The following GNAQ variants were observed in gnomAD, a reference collection of about 807,000 sequenced individuals.
GNAQ encodes the protein guanine nucleotide-binding protein G(q) subunit alpha.
In GNAQ, 8 loss-of-function variants were observed where a neutral mutation model predicts 43.9. That is an observed-to-expected ratio of 0.18 (90% CI 0.11 to 0.33). The LOEUF (loss-of-function observed/expected upper bound fraction) is 0.33. GNAQ is among the 10% of genes least tolerant of loss of function. The pLI, the probability that GNAQ is intolerant of heterozygous loss-of-function variation, is 1.00. For missense variants in GNAQ, 158 were observed against 450.8 expected (o/e 0.35, Z 5.88); for synonymous variants, 155 against 170.7 (o/e 0.91, Z 0.71).
intron 2 of GNAQ, among the ~76,000 whole-genome samples, chr9:77,842,621 A>G (rs1011099007): frequency 2.0e-5 from 3 of 152,178 alleles, no homozygotes; most frequent in African/African-American, 4.8e-5. Context: ...TGCTTACAGC[A>G]TGCTTTCCAA....
Position 77,724,439 on chromosome 9 carries a change from C to T in GNAQ, c.890-2926G>A, listed in dbSNP as rs538594997. On this transcript the variant is annotated intron_variant, in intron 6 of 6. Transcript: ENST00000286548. ...CTTCAACTCCTGGCCTCAAGGGATC[C>T]GCCCACCTTGGCCTCCCAAAGTGCT... is the stretch of plus-strand genomic sequence containing the variant. Among the ~76,000 whole-genome samples, 13 of 152,230 alleles carry T rather than the reference C, an allele frequency of 8.5e-5. No individual in the cohort carries two copies. In the East Asian group the frequency reaches 1.5e-3, roughly 18 times the overall value.
chr9:77,831,995 T>C (rs1827305631), intron 2 of GNAQ, among the ~76,000 whole-genome samples: 1 of 152,190 alleles, frequency 6.6e-6, no homozygotes, highest in Non-Finnish European at 1.5e-5. Context: ...CTCAGTGTCA[T>C]GTGCTCTTCT....
intron 2 of GNAQ, among the ~76,000 whole-genome samples, chr9:77,836,626 G>A (rs1166453934): frequency 1.3e-5 from 2 of 151,976 alleles, no homozygotes; most frequent in Non-Finnish European, 2.9e-5. Flanking sequence ...CAGGCAAGAA[G>A]GCATCAACCA....
intron 3 of GNAQ, among the ~76,000 whole-genome samples, chr9:77,801,871 A>T (rs1826748494): frequency 6.6e-6 from 1 of 152,188 alleles, no homozygotes; most frequent in African/African-American, 2.4e-5. Context: ...GGTAAAATTT[A>T]TAGACCACGA....
intron 1 of GNAQ, among the ~76,000 whole-genome samples, chr9:77,936,385 A>C (rs887187325): frequency 2.6e-5 from 4 of 152,214 alleles, no homozygotes; most frequent in Non-Finnish European, 5.9e-5. Context: ...ACACCGACCC[A>C]ATAATACATA....
intron 2 of GNAQ, among the ~76,000 whole-genome samples, chr9:77,871,463 C>T (rs1254541852): frequency 6.6e-6 from 1 of 152,184 alleles, no homozygotes; most frequent in Non-Finnish European, 1.5e-5. Flanking sequence ...CTCCTTGCTT[C>T]TCTAAATCAC....
chr9:77,720,827 T>G lies in GNAQ; in HGVS notation c.*496A>C. ...CTACAAACTTAAATTAAGCTGATGA[T>G]GGCTTAAATCGAACGATGTGTCCTG... On this transcript the variant is annotated 3_prime_UTR_variant, in exon 7 of 7. Transcript: ENST00000286548. The G allele has an allele frequency of 4.3e-6, 1 of 233,898 alleles. No individual in the cohort carries two copies. The highest frequency in any genetic ancestry group is 8.5e-6 in the Non-Finnish European group (1 of 118,268). The allele number at this position is 233,898 out of a possible 1,614,324, so 14.5% of individuals were successfully genotyped here. A position where few individuals can be genotyped will look rare whatever the true frequency, so the allele number is the denominator to read the frequency against.
At chr9:77,939,902 T>C (rs1829290126) in intron 1 of GNAQ, among the ~76,000 whole-genome samples, 1 of 152,184 alleles carries the variant, frequency 6.6e-6, no homozygotes, top group Non-Finnish European at 1.5e-5. Flanking sequence ...TCCAAGAAAG[T>C]AGTTCTGATT....
chr9:77,769,626 A>G (rs184166911), intron 5 of GNAQ, among the ~76,000 whole-genome samples: 67 of 152,058 alleles, frequency 4.4e-4, no homozygotes, highest in Admixed American at 1.4e-3. Context: ...AATTCCAACA[A>G]GAATGACCCT....
intron 1 of GNAQ, among the ~76,000 whole-genome samples, chr9:77,981,052 G>GT (rs1299285180): frequency 2.0e-5 from 3 of 152,206 alleles, no homozygotes; most frequent in African/African-American, 4.8e-5. Flanking sequence ...CTATTAGAAA[G>GT]TGAGTGGTGA....
chr9:77,968,175 T>C (rs1049428711), intron 1 of GNAQ, among the ~76,000 whole-genome samples: 3 of 152,134 alleles, frequency 2.0e-5, no homozygotes, highest in Non-Finnish European at 4.4e-5. Context: ...ATACTTAAAA[T>C]GGTGAATTTT....
At chr9:78,031,017 G>A in intron 1 of GNAQ, 83 bp downstream of exon 1, 6 of 1,040,332 alleles carry the variant, frequency 5.8e-6, no homozygotes, top group Non-Finnish European at 7.5e-6. Context: ...GGGGGGCGGG[G>A]GCGCCGAAGG....
At chr9:77,920,204 G>A (rs181164562) in intron 2 of GNAQ, among the ~76,000 whole-genome samples, 6 of 152,040 alleles carry the variant, frequency 3.9e-5, no homozygotes, top group Admixed American at 3.9e-4. Flanking sequence ...TGTGTTACAT[G>A]AATAAGGCAT....
At chr9:77,755,168 G>A (rs1295390032) in intron 5 of GNAQ, among the ~76,000 whole-genome samples, 6 of 152,164 alleles carry the variant, frequency 3.9e-5, no homozygotes, top group Non-Finnish European at 5.9e-5. Context: ...TCATTTGTAA[G>A]AGCTAAAAAT....
intron 2 of GNAQ, among the ~76,000 whole-genome samples, chr9:77,820,777 T>A (rs149969286): frequency 6.6e-6 from 1 of 152,340 alleles, no homozygotes; most frequent in Non-Finnish European, 1.5e-5. Context: ...GTATCAATAA[T>A]AACTCTGTCA....
At chr9:77,797,706 A>G in intron 3 of GNAQ, 58 bp from the exon 4 acceptor site, 1 of 1,548,280 alleles carries the variant, frequency 6.5e-7, no homozygotes, top group Admixed American at 1.8e-5. Context: ...AAAGCTGTCT[A>G]CGGAAAGGGA....
chr9:77,972,784 C>A (rs1487678235), intron 1 of GNAQ, among the ~76,000 whole-genome samples: 1 of 151,866 alleles, frequency 6.6e-6, no homozygotes, highest in African/African-American at 2.4e-5. Context: ...GAAACCCCAT[C>A]TCTACTAAAA....
At chr9:77,928,743 G>A (rs1368743753) in intron 1 of GNAQ, among the ~76,000 whole-genome samples, 3 of 152,116 alleles carry the variant, frequency 2.0e-5, no homozygotes, top group East Asian at 3.9e-4. Flanking sequence ...TTTTAGGTCC[G>A]GCATGGTGGC....
At chr9:77,910,163 A>T (rs1003264924) in intron 2 of GNAQ, among the ~76,000 whole-genome samples, 11 of 152,188 alleles carry the variant, frequency 7.2e-5, no homozygotes, top group African/African-American at 2.4e-4. Flanking sequence ...AATATTAAGT[A>T]AGCACTACCC....
Sources: allele counts gnomAD v4.1 joint callset (sites outside exome capture counted in the v4.1 genomes callset), GRCh38; gene constraint gnomAD v4.1.1; transcripts MANE v1.5; gene names NCBI Gene and HGNC (gene_info 2026-07-23, HGNC 2026-07-21).